ZHX3: variants seen among roughly 807,000 people sequenced by gnomAD.
The protein encoded by ZHX3 is zinc fingers and homeoboxes protein 3.
ZHX3 carries 20 observed loss-of-function variants against 64.5 expected under a neutral mutation model. The ratio of observed to expected loss-of-function variants is 0.31; its 90% CI spans 0.22 to 0.45. The LOEUF is 0.45. ZHX3 is among the 20% of genes least tolerant of loss of function. The probability of loss-of-function intolerance (pLI) is 1.00; values close to 1 mark genes in which losing one functional copy is unlikely to be tolerated. For missense variants in ZHX3, 1,041 were observed against 1,195.8 expected (o/e 0.87, Z 1.91); for synonymous variants, 423 against 461.6 (o/e 0.92, Z 1.07).
At position 41,203,692 on chromosome 20, in the gene ZHX3, C is replaced by T. The variant is rs767959887; in HGVS notation, c.1225G>A (p.Ala409Thr). 67 of 1,613,980 alleles carry T rather than the reference C, an allele frequency of 4.2e-5. No individual in the cohort carries two copies. Among genetic ancestry groups the T allele is most frequent in the Non-Finnish European group, 5.1e-5 (60 of 1,179,984 alleles). ...TGCCCCACAACGTGACCTGGAAGAG[C>T]GGCCTGGATGAGATGCTGGACATTG... ...AGNVQHLIQAALPGHVVGQPE... is the reference protein window; with the variant it reads ...AGNVQHLIQATLPGHVVGQPE... Residue 409 changes from alanine (A) to threonine (T), a missense_variant, in exon 3 of 4, where the codon GCT becomes ACT. Around this residue, in one of 4 missense-constraint regions of ZHX3, gnomAD observed 649 missense variants for 739.8 expected, o/e 0.88. Coordinates refer to ENST00000683867, the MANE Select transcript of ZHX3 (RefSeq NM_001384317.1). This position sits in a 1 kb window ranked among gnomAD's most constrained non-coding sequence, Gnocchi z 7.1.
intron 3 of ZHX3, among the ~76,000 whole-genome samples, chr20:41,191,424 T>G (rs1413720674): frequency 2.6e-5 from 4 of 152,214 alleles, no homozygotes; most frequent in African/African-American, 9.6e-5. Flanking sequence ...CAAATTGTTT[T>G]TCTTTTTCAC....
At chr20:41,220,540 G>A (rs1294794218) in intron 2 of ZHX3, among the ~76,000 whole-genome samples, 1 of 152,056 alleles carries the variant, frequency 6.6e-6, no homozygotes, top group Non-Finnish European at 1.5e-5. Context: ...TTTCTTAGGA[G>A]GGTCCCCTTT....
intron 1 of ZHX3, among the ~76,000 whole-genome samples, chr20:41,316,203 C>G (rs936200151): frequency 1.3e-5 from 2 of 152,176 alleles, no homozygotes; most frequent in African/African-American, 4.8e-5. Context: ...GCTCTGTCCT[C>G]TACAGCAACT....
intron 1 of ZHX3, among the ~76,000 whole-genome samples, chr20:41,301,763 G>A (rs1329285440): frequency 1.3e-5 from 2 of 152,030 alleles, no homozygotes; most frequent in East Asian, 3.9e-4. Context: ...ACCTATAAAG[G>A]AACAGGCCAG....
chr20:41,244,409 G>A (rs1383173000), intron 2 of ZHX3, among the ~76,000 whole-genome samples: 1 of 152,180 alleles, frequency 6.6e-6, no homozygotes, highest in Admixed American at 6.5e-5. Context: ...AGTAGCTCAC[G>A]CCTGTAATCC....
chr20:41,181,771 G>A lies in ZHX3; in HGVS notation c.*3420C>T, dbSNP rs1382554381. On this transcript the variant is annotated 3_prime_UTR_variant, in exon 4 of 4. Transcript: ENST00000683867. Reference sequence around the variant, plus strand: ...ATTTCCTGGTGGGACGGCCTCCCAAGGCTAGCTGGAGATGAGACCACTAGT... The same window carrying A: ...ATTTCCTGGTGGGACGGCCTCCCAAAGCTAGCTGGAGATGAGACCACTAGT... 6.6e-6 allele frequency: 1 copy of A among 152,254 alleles called. No individual in the cohort carries two copies. Among genetic ancestry groups the A allele is most frequent in the Non-Finnish European group, 1.5e-5 (1 of 68,086 alleles). 9.4% of individuals were successfully genotyped at this position (152,254 alleles called of 1,614,324 possible).
chr20:41,240,771 T>C (rs919247503), intron 2 of ZHX3, among the ~76,000 whole-genome samples: 3 of 152,244 alleles, frequency 2.0e-5, no homozygotes, highest in African/African-American at 7.2e-5. Flanking sequence ...AAAGTTTGTC[T>C]TTCTGCTCCT....
At chr20:41,308,758 G>A (rs1490310107) in intron 1 of ZHX3, among the ~76,000 whole-genome samples, 2 of 152,138 alleles carry the variant, frequency 1.3e-5, no homozygotes, top group African/African-American at 4.8e-5. Flanking sequence ...AAGGCTACCA[G>A]TATCATAATA....
Position 41,203,671 on chromosome 20 carries a change from C to T in ZHX3, c.1246G>A (p.Gly416Arg). The change falls in exon 3 of 4, where the codon GGG (glycine) becomes AGG (arginine). Residue 416 changes from glycine (G) to arginine (R), a missense_variant. Physicochemically the swap from Gly to Arg is moderately radical, Grantham distance 125. Coordinates refer to ENST00000683867, the MANE Select transcript of ZHX3 (RefSeq NM_001384317.1). This position sits in a 1 kb window ranked among gnomAD's most constrained non-coding sequence, Gnocchi z 7.1. Reference protein sequence around the residue: ...IQAALPGHVVGQPEGTGGGLL... With the variant: ...IQAALPGHVVRQPEGTGGGLL... ...CCCCCTCCTGTACCCTCTGGCTGCC[C>T]CACAACGTGACCTGGAAGAGCGGCC... is the stretch of plus-strand genomic sequence containing the variant. 6.2e-7 allele frequency: 1 copy of T among 1,614,182 alleles called. No individual in the cohort carries two copies. Among genetic ancestry groups the T allele is most frequent in the Non-Finnish European group, 8.5e-7 (1 of 1,180,010 alleles).
chr20:41,258,048 C>T (rs55753098), intron 2 of ZHX3, among the ~76,000 whole-genome samples: 17 of 150,944 alleles, frequency 1.1e-4, no homozygotes, highest in East Asian at 3.9e-4. Context: ...TACAGGCACC[C>T]GCCACCATGC....
At chr20:41,273,548 G>C (rs928151672) in intron 1 of ZHX3, among the ~76,000 whole-genome samples, 1 of 152,014 alleles carries the variant, frequency 6.6e-6, no homozygotes, top group African/African-American at 2.4e-5. Context: ...TATGTGTGGG[G>C]TCCAACTTCA....
chr20:41,242,292 G>A (rs1331530414), intron 2 of ZHX3, among the ~76,000 whole-genome samples: 1 of 152,126 alleles, frequency 6.6e-6, no homozygotes, highest in African/African-American at 2.4e-5. Flanking sequence ...TAAGTCATTT[G>A]ACTCAGTCAC....
intron 2 of ZHX3, among the ~76,000 whole-genome samples, chr20:41,243,296 T>C (rs2041499279): frequency 6.6e-6 from 1 of 152,192 alleles, no homozygotes; most frequent in Admixed American, 6.5e-5. Flanking sequence ...AGAAGTGTAA[T>C]TACCTGACGT....
At chr20:41,237,264 T>C (rs960368113) in intron 2 of ZHX3, among the ~76,000 whole-genome samples, 11 of 152,318 alleles carry the variant, frequency 7.2e-5, no homozygotes, top group Admixed American at 2.6e-4. Flanking sequence ...CATTACTGGG[T>C]ATATACCCAA....
intron 1 of ZHX3, chr20:41,272,275 T>C (rs2043180601): frequency 6.6e-6 from 1 of 152,244 alleles, no homozygotes; most frequent in African/African-American, 2.4e-5. Context: ...ACAAAGCACA[T>C]GGGTTCCAAC....
In ZHX3 at chr20:41,202,936, A is replaced by G. The variant is rs1416180260; in HGVS notation, c.1981T>C (p.Ser661Pro). The G allele has an allele frequency of 6.2e-7, 1 of 1,614,098 alleles. No individual in the cohort carries two copies. The highest frequency in any genetic ancestry group is 1.7e-5 in the Admixed American group (1 of 60,008). The change falls in exon 3 of 4, where the codon TCA (serine) becomes CCA (proline). Residue 661 changes from serine to proline, a missense_variant. Coordinates refer to ENST00000683867, the MANE Select transcript of ZHX3 (RefSeq NM_001384317.1). The surrounding 1 kb of genome is among the most constrained non-coding windows in gnomAD (Gnocchi z 7.0). ...GCATTCACTTTTTTCCGTCTCTCTG[A>G]AAACCAGCTATCAATTTCTCGTCGG... ...MTRREIDSWF[S>P]ERRKKVNAEE... is the part of the protein sequence containing the mutation.
chr20:41,299,871 C>CAAAAAAA (rs558506519), intron 1 of ZHX3: 1 of 55,004 alleles, frequency 1.8e-5, no homozygotes, highest in Non-Finnish European at 3.5e-5. Context: ...GACTCGGTCT[C>CAAAAAAA]AAAAAAAAAA....
rs1162248029 is a variant in ZHX3, at chr20:41,219,018, C to A, written c.-150-13952G>T. Among the ~76,000 whole-genome samples the A allele has an allele frequency of 2.0e-5, 3 of 151,756 alleles. No individual in the cohort carries two copies. The highest frequency in any genetic ancestry group is 4.2e-4 in the South Asian group (2 of 4,788). Reference sequence around the variant, plus strand: ...GATCTCGGCTCACTGCAAGCTCCACCTCCCGGGTTCACGCCACTCTCCTGC... The same window carrying A: ...GATCTCGGCTCACTGCAAGCTCCACATCCCGGGTTCACGCCACTCTCCTGC... On this transcript the variant is annotated intron_variant, in intron 2 of 3. Transcript: ENST00000683867. This position sits in a 1 kb window ranked among gnomAD's most constrained non-coding sequence, Gnocchi z 5.0.
rs2036393264 is a variant in ZHX3 at position 41,184,950 on chromosome 20, G to C, written c.*241C>G. 4 of 1,545,248 alleles carry C rather than the reference G, an allele frequency of 2.6e-6. No individual in the cohort carries two copies. In the African/African-American group the frequency reaches 5.5e-5, roughly 21 times the overall value. On this transcript the variant is annotated 3_prime_UTR_variant, in exon 4 of 4. Transcript: ENST00000683867. ...TTTATCCATTGGAAGGTAAAGGAAA[G>C]GTCCTACATTGTGGGAGGAAGAACT...
Sources: gnomAD v4.1 joint callset for allele counts (sites outside exome capture counted in the v4.1 genomes callset) on GRCh38, gnomAD v4.1.1 for gene constraint, gnomAD v4.1.1 regional missense constraint, Gnocchi (gnomAD v3.1) non-coding constraint, MANE v1.5 for transcripts, NCBI Gene and HGNC (gene_info 2026-07-23, HGNC 2026-07-21) for gene names.